Variants in NALF1 observed in about 807,000 individuals in gnomAD.
The protein encoded by NALF1 is NALCN channel auxiliary factor 1.
A neutral mutation model predicts 48.4 loss-of-function variants in NALF1; 3 were observed. The ratio of observed to expected loss-of-function variants is 0.06; its 90% CI spans 0.03 to 0.16. NALF1 has a LOEUF of 0.16. Ranked by LOEUF, NALF1 falls within the 10% of genes least tolerant of loss-of-function variation. NALF1 has a pLI of 1.00. For missense variants in NALF1, 526 were observed against 571.5 expected (o/e 0.92, Z 0.81); for synonymous variants, 262 against 245.7 (o/e 1.07, Z -0.62).
At chr13:107,406,358 T>C (rs990050008) in intron 1 of NALF1, among the ~76,000 whole-genome samples, 6 of 152,004 alleles carry the variant, frequency 3.9e-5, no homozygotes, top group Admixed American at 2.6e-4. Context: ...ATTTGCCATA[T>C]AGAAACACCA....
chr13:107,462,712 C>T (rs550901527), intron 1 of NALF1, among the ~76,000 whole-genome samples: 2 of 152,272 alleles, frequency 1.3e-5, no homozygotes, highest in South Asian at 2.1e-4. Flanking sequence ...ACCCTAGACA[C>T]GAAGGCTTGG....
At chr13:107,644,614 A>AGTGT (rs573718108) in intron 1 of NALF1, among the ~76,000 whole-genome samples, 1 of 124,498 alleles carries the variant, frequency 8.0e-6, no homozygotes, top group African/African-American at 2.9e-5. Context: ...AGACATTTAG[A>AGTGT]GTGTGTGTGT....
chr13:107,375,194 C>T (rs919221282), intron 1 of NALF1, among the ~76,000 whole-genome samples: 6 of 152,150 alleles, frequency 3.9e-5, no homozygotes, highest in Non-Finnish European at 7.4e-5. Flanking sequence ...ATGTCTTCGG[C>T]TGTGATACCA....
rs969693386 is a variant in NALF1 at position 107,203,525 on chromosome 13, G to A, written c.1087+7059C>T. 4.6e-5 allele frequency among the ~76,000 whole-genome samples: 7 copies of A among 152,172 alleles called. No homozygotes were observed. In the East Asian group the frequency reaches 9.6e-4, roughly 21 times the overall value. On this transcript the variant is annotated intron_variant, in intron 2 of 2. Transcript: ENST00000375915. ...GGGCCTGAAAATATTTGCCAGACAC[G>A]GTGTCACTTCTGTGCAAGGTCAGCG...
intron 1 of NALF1, among the ~76,000 whole-genome samples, chr13:107,436,332 C>T (rs570529373): frequency 9.7e-4 from 147 of 152,020 alleles, no homozygotes; most frequent in African/African-American, 3.4e-3. Flanking sequence ...AGGTAGAATC[C>T]ATTGATGTAT....
chr13:107,298,598 G>GTT (rs1881772889), intron 1 of NALF1, among the ~76,000 whole-genome samples: 2 of 151,488 alleles, frequency 1.3e-5, no homozygotes, highest in South Asian at 4.2e-4. Flanking sequence ...CACCTGGCTA[G>GTT]TTTTTGTATT....
intron 1 of NALF1, among the ~76,000 whole-genome samples, chr13:107,642,469 G>A (rs1880186199): frequency 6.6e-6 from 1 of 152,178 alleles, no homozygotes; most frequent in East Asian, 1.9e-4. Context: ...CATATAAGAT[G>A]TTAATCATTG....
intron 1 of NALF1, among the ~76,000 whole-genome samples, chr13:107,835,819 C>T (rs2138631004): frequency 6.6e-6 from 1 of 152,224 alleles, no homozygotes; most frequent in South Asian, 2.1e-4. Flanking sequence ...CACAGAAACC[C>T]TCTGGAACAT....
In NALF1 at chr13:107,176,652, T is replaced by TA. The variant is rs150446200; in HGVS notation, c.1088-5867dup. On this transcript the variant is annotated intron_variant, in intron 2 of 2. Transcript: ENST00000375915. ...GTGAGACTCCATCTCAAAAAAAAAT[T>TA]AAAAAAAAATAATAATACGCATAAA... Among the ~76,000 whole-genome samples the TA allele has an allele frequency of 4.0e-3, 602 of 150,388 alleles. 5 individuals carry two copies. Among genetic ancestry groups the TA allele is most frequent in the African/African-American group, 0.014 (559 of 41,020 alleles).
rs56380251 is a variant in NALF1, at chr13:107,720,510, C to CAAAAAA, written c.915+145166_915+145171dup. Among the ~76,000 whole-genome samples the CAAAAAA allele has an allele frequency of 1.8e-3, 105 of 59,810 alleles. 3 individuals are homozygous for CAAAAAA. The highest frequency in any genetic ancestry group is 5.0e-3 in the African/African-American group (62 of 12,498). The allele number at this position is 59,810 out of a possible 152,430, so 39.2% of individuals were successfully genotyped here. On this transcript the variant is annotated intron_variant, in intron 1 of 2. Transcript: ENST00000375915. The stretch of plus-strand genomic sequence containing the variant: ...TGGGCAACAGAGTGAGACTGCATCT[C>CAAAAAA]AAAAAAAAAAAAAAAAAAAAAAAGC...
At chr13:107,640,572 T>G (rs193199856) in intron 1 of NALF1, among the ~76,000 whole-genome samples, 52 of 152,286 alleles carry the variant, frequency 3.4e-4, no homozygotes, top group African/African-American at 1.1e-3. Flanking sequence ...AAACAATCTA[T>G]AGACCAAGTG....
intron 1 of NALF1, among the ~76,000 whole-genome samples, chr13:107,495,972 T>C (rs537530972): frequency 1.3e-5 from 2 of 152,302 alleles, no homozygotes; most frequent in African/African-American, 2.4e-5. Context: ...TTCAATGTTA[T>C]GTGTAGGTTA....
At chr13:107,759,512 G>T (rs1877207045) in intron 1 of NALF1, among the ~76,000 whole-genome samples, 2 of 152,072 alleles carry the variant, frequency 1.3e-5, no homozygotes, top group African/African-American at 4.8e-5. Context: ...CCTGTCTTGT[G>T]TCTCTGAATT....
chr13:107,861,655 G>C lies in NALF1; in HGVS notation c.915+4027C>G, dbSNP rs117402131. Among the ~76,000 whole-genome samples the C allele has an allele frequency of 9.2e-5, 14 of 152,002 alleles. 1 individual carries two copies. Among genetic ancestry groups the C allele is most frequent in the Admixed American group, 9.2e-4 (14 of 15,278 alleles). ...AAAAATTAGCTAGGCGTGGTGGCGCGCACCTGTAGTCCCAGCTACGAGGGA... is the reference window on the plus strand; with the variant it reads ...AAAAATTAGCTAGGCGTGGTGGCGCCCACCTGTAGTCCCAGCTACGAGGGA... On this transcript the variant is annotated intron_variant, in intron 1 of 2. Coordinates refer to ENST00000375915, the MANE Select transcript of NALF1 (RefSeq NM_001080396.3).
intron 1 of NALF1, among the ~76,000 whole-genome samples, chr13:107,799,600 G>A (rs186202659): frequency 6.6e-6 from 1 of 152,242 alleles, no homozygotes; most frequent in East Asian, 1.9e-4. Flanking sequence ...CTTTTAAAAG[G>A]CTTGTTTTGC....
intron 1 of NALF1, among the ~76,000 whole-genome samples, chr13:107,752,876 C>A (rs963493357): frequency 1.3e-5 from 2 of 152,106 alleles, no homozygotes; most frequent in Non-Finnish European, 2.9e-5. Flanking sequence ...TATAATTATA[C>A]GTATAAAAAA....
At chr13:107,598,842 C>G (rs942794841) in intron 1 of NALF1, among the ~76,000 whole-genome samples, 2 of 152,118 alleles carry the variant, frequency 1.3e-5, no homozygotes, top group African/African-American at 2.4e-5. Flanking sequence ...TTTACTTACT[C>G]TAGCTTATTT....
intron 1 of NALF1, among the ~76,000 whole-genome samples, chr13:107,504,319 A>C (rs1875625923): frequency 6.6e-6 from 1 of 151,738 alleles, no homozygotes; most frequent in African/African-American, 2.4e-5. Context: ...AAATGGAAAG[A>C]TGTAGGTCCA....
intron 1 of NALF1, among the ~76,000 whole-genome samples, chr13:107,255,327 A>T (rs549441188): frequency 6.6e-6 from 1 of 152,026 alleles, no homozygotes; most frequent in Non-Finnish European, 1.5e-5. Flanking sequence ...CTTTCTTTCT[A>T]TTCATCTCTT....
Sources: allele counts gnomAD v4.1 joint callset (sites outside exome capture counted in the v4.1 genomes callset), GRCh38; gene constraint gnomAD v4.1.1; transcripts MANE v1.5; gene names NCBI Gene and HGNC (gene_info 2026-07-23, HGNC 2026-07-21).